NTNG2: variants seen among roughly 807,000 people sequenced by gnomAD.
NTNG2 encodes netrin G2.
NTNG2 carries 15 observed loss-of-function variants against 47.6 expected under a neutral mutation model. The observed-to-expected ratio is 0.32, with a 90% confidence interval of 0.21 to 0.49. NTNG2 has a LOEUF of 0.49. NTNG2 is among the 20% of genes least tolerant of loss of function. The pLI, the probability that NTNG2 is intolerant of heterozygous loss-of-function variation, is 0.99. For synonymous variants in NTNG2, 307 were observed against 324.6 expected, an observed-to-expected ratio of 0.95 and a Z score of 0.58; for missense variants, 578 against 764.6, an observed-to-expected ratio of 0.76 and a Z score of 2.88.
chr9:132,183,350 C>A (rs577068745), intron 2 of NTNG2, among the ~76,000 whole-genome samples: 1 of 152,184 alleles, frequency 6.6e-6, no homozygotes, highest in Non-Finnish European at 1.5e-5. Context: ...TTCTCTCCTG[C>A]GCTCCCCACC....
intron 2 of NTNG2, among the ~76,000 whole-genome samples, chr9:132,193,819 T>C (rs1838074541): frequency 6.6e-6 from 1 of 152,190 alleles, no homozygotes; most frequent in Non-Finnish European, 1.5e-5. Context: ...TTCCTTGTTC[T>C]GGAGGCTGAA....
intron 5 of NTNG2, among the ~76,000 whole-genome samples, chr9:132,235,350 G>C (rs984828906): frequency 6.6e-6 from 1 of 152,214 alleles, no homozygotes; most frequent in Non-Finnish European, 1.5e-5. Flanking sequence ...GAACGGGGAC[G>C]GCACAGGGAG....
At chr9:132,183,171 C>T (rs1290906575) in intron 2 of NTNG2, among the ~76,000 whole-genome samples, 5 of 152,142 alleles carry the variant, frequency 3.3e-5, no homozygotes, top group African/African-American at 9.7e-5. Flanking sequence ...TCCTGGGTGC[C>T]GAGGGGTGCC....
At chr9:132,237,440 TG>T (rs1273141592) in intron 5 of NTNG2, among the ~76,000 whole-genome samples, 2 of 152,176 alleles carry the variant, frequency 1.3e-5, no homozygotes, top group African/African-American at 4.8e-5. Context: ...CCCCTGCCGC[TG>T]CCCCTGCCCC....
At chr9:132,188,975 G>A (rs1837624434) in intron 2 of NTNG2, among the ~76,000 whole-genome samples, 1 of 151,484 alleles carries the variant, frequency 6.6e-6, no homozygotes, top group Non-Finnish European at 1.5e-5. Flanking sequence ...CTATGTTAGT[G>A]GCTGAGGGCC....
chr9:132,241,879 A>G lies in NTNG2; in HGVS notation c.1361A>G (p.Asn454Ser). 6.4e-7 allele frequency: 1 copy of G among 1,570,802 alleles called. No homozygotes were observed. Among genetic ancestry groups the G allele is most frequent in the South Asian group, 1.1e-5 (1 of 87,324 alleles). Residue 454 changes from asparagine to serine, a missense_variant, in exon 8 of 8, where the codon AAC becomes AGC. Physicochemically the swap from Asn to Ser is conservative, Grantham distance 46. Transcript: ENST00000393229. ...THYWRQGCYP[N>S]VCDDDQLLCQ... ...TGACCGCCCCCTCCGCCTGCAGCCA[A>G]CGTGTGCGACGACGACCAGCTGCTG...
chr9:132,200,755 C>T (rs1056607166), intron 3 of NTNG2, among the ~76,000 whole-genome samples: 5 of 152,158 alleles, frequency 3.3e-5, no homozygotes, highest in African/African-American at 9.6e-5. Context: ...GACAGGGGCC[C>T]GTGGTTCTGA....
At chr9:132,239,041 C>G in intron 5 of NTNG2, 63 bp from the exon 6 acceptor site, 1 of 1,548,074 alleles carries the variant, frequency 6.5e-7, no homozygotes, top group South Asian at 1.1e-5. Flanking sequence ...CTTCCTCGCC[C>G]TGTCCCTCAG....
At position 132,189,068 on chromosome 9, in the gene NTNG2, CTTTTTTTTTTTT is replaced by C. The variant is rs749756559; in HGVS notation, c.214-8882_214-8871del. ...TATGTGAAAAAGGCTTTAAGCCTTT[CTTTTTTTTTTTT>C]TTTTTTTTTTTTTTTAGACAGGGTC... On this transcript the variant is annotated intron_variant, in intron 2 of 7. Coordinates refer to ENST00000393229, the MANE Select transcript of NTNG2 (RefSeq NM_032536.4). Among the ~76,000 whole-genome samples, 42 of 93,280 alleles carry C rather than the reference CTTTTTTTTTTTT, an allele frequency of 4.5e-4. 2 individuals are homozygous for C. In the East Asian group the frequency reaches 0.012, roughly 27 times the overall value. The allele number at this position is 93,280 out of a possible 152,430, so 61.2% of individuals were successfully genotyped here.
chr9:132,194,687 T>C (rs72763682), intron 2 of NTNG2, among the ~76,000 whole-genome samples: 2,059 of 152,340 alleles, frequency 0.014, 20 homozygotes, highest in Non-Finnish European at 0.021. Context: ...TTGGACTCTA[T>C]GGTGAGCTCC....
chr9:132,167,078 G>A lies in NTNG2; in HGVS notation c.213+34G>A, dbSNP rs376293213. On this transcript the variant is annotated intron_variant, in intron 2 of 7. Coordinates refer to ENST00000393229, the MANE Select transcript of NTNG2 (RefSeq NM_032536.4). ...ACTTACTGCTCTTTTGTTTGCCCAG[G>A]CCAAGTGGGAGGAGGTCTGGAGGAG... 4 of 1,607,724 alleles carry A rather than the reference G, an allele frequency of 2.5e-6. No individual in the cohort carries two copies. In the African/African-American group the frequency reaches 4.0e-5, roughly 16 times the overall value.
rs2149171 is a variant in NTNG2 at position 132,226,867 on chromosome 9, C to T, written c.876C>T (p.His292=). ...EVIGRCKCNL[H]ANLCSMREGS... ...TCCCCAGGTGCAAGTGCAACCTGCA[C>T]GCCAACCTGTGCTCCATGCGCGAGG... Residue 292 remains histidine, a synonymous_variant, in exon 4 of 8, where the codon CAC becomes CAT. Coordinates refer to ENST00000393229, the MANE Select transcript of NTNG2 (RefSeq NM_032536.4). The surrounding 1 kb of genome is among the most constrained non-coding windows in gnomAD (Gnocchi z 4.8). 963,608 of 1,604,218 alleles carry T rather than the reference C, an allele frequency of 0.6. 290,872 individuals carry two copies. The highest frequency in any genetic ancestry group is 0.72 in the Middle Eastern group (4,336 of 6,002).
chr9:132,204,365 T>A (rs1325523071), intron 3 of NTNG2, among the ~76,000 whole-genome samples: 1 of 152,044 alleles, frequency 6.6e-6, no homozygotes, highest in Non-Finnish European at 1.5e-5. Context: ...AAACGTCCTG[T>A]CCCTATTGAT....
intron 2 of NTNG2, among the ~76,000 whole-genome samples, chr9:132,196,347 C>T (rs1838315682): frequency 2.0e-5 from 3 of 152,152 alleles, no homozygotes; most frequent in African/African-American, 7.2e-5. Flanking sequence ...TGCACCACCA[C>T]GCCCGGGTAA....
In NTNG2 at chr9:132,227,045, C is replaced by T. The variant is rs377245588; in HGVS notation, c.1030+24C>T. The T allele has an allele frequency of 3.0e-5, 47 of 1,569,622 alleles. No homozygotes were observed. In the East Asian group the frequency reaches 3.9e-4, roughly 13 times the overall value. On this transcript the variant is annotated intron_variant, in intron 4 of 7. Transcript: ENST00000393229. ...CTGTACGTGCCATGCCCCGGGGCCACGAGCCCACATGGCTATAATCTTCCC... is the reference window on the plus strand; with the variant it reads ...CTGTACGTGCCATGCCCCGGGGCCATGAGCCCACATGGCTATAATCTTCCC...
intron 2 of NTNG2, among the ~76,000 whole-genome samples, chr9:132,181,413 C>G (rs1836925089): frequency 6.6e-6 from 1 of 151,602 alleles, no homozygotes; most frequent in South Asian, 2.1e-4. Context: ...CTCCACCTCC[C>G]AAGTTCAAGC....
At chr9:132,216,222 C>G (rs1017092816) in intron 3 of NTNG2, among the ~76,000 whole-genome samples, 1 of 152,150 alleles carries the variant, frequency 6.6e-6, no homozygotes, top group South Asian at 2.1e-4. Flanking sequence ...TGCATTATCC[C>G]CTTCCTCCCT....
At chr9:132,201,118 A>T (rs982294909) in intron 3 of NTNG2, among the ~76,000 whole-genome samples, 1 of 152,214 alleles carries the variant, frequency 6.6e-6, no homozygotes, top group East Asian at 1.9e-4. Context: ...TGGGGCCCTC[A>T]TGTCTGGGCC....
intron 3 of NTNG2, among the ~76,000 whole-genome samples, chr9:132,219,505 G>A (rs377242268): frequency 9.9e-5 from 15 of 150,756 alleles, no homozygotes; most frequent in African/African-American, 3.2e-4. Context: ...CCCAGGAGGT[G>A]GAGGTTGCAG....
Sources: gnomAD v4.1 joint callset for allele counts (sites outside exome capture counted in the v4.1 genomes callset) on GRCh38, gnomAD v4.1.1 for gene constraint, Gnocchi (gnomAD v3.1) non-coding constraint, MANE v1.5 for transcripts, NCBI Gene and HGNC (gene_info 2026-07-23, HGNC 2026-07-21) for gene names.